CPPED1: variants seen among roughly 807,000 people sequenced by gnomAD.
The protein encoded by CPPED1 is serine/threonine-protein phosphatase CPPED1.
CPPED1 carries 28 observed loss-of-function variants against 28.0 expected under a neutral mutation model. The ratio of observed to expected loss-of-function variants is 1.00; its 90% CI spans 0.74 to 1.37. CPPED1 has a LOEUF of 1.37. CPPED1 is among the 40% of genes most tolerant of loss of function. The pLI, the probability that CPPED1 is intolerant of heterozygous loss-of-function variation, is 0.00. For synonymous variants in CPPED1, 198 were observed against 180.2 expected (o/e 1.10, Z -0.79); for missense variants, 504 against 416.5 (o/e 1.21, Z -1.83).
At chr16:12,775,374 T>C (rs2080491926) in intron 2 of CPPED1, among the ~76,000 whole-genome samples, 1 of 152,208 alleles carries the variant, frequency 6.6e-6, no homozygotes, top group South Asian at 2.1e-4. Flanking sequence ...ATTTTCACCA[T>C]GTCATCTATG....
At chr16:12,739,115 A>G (rs1235166409) in intron 2 of CPPED1, among the ~76,000 whole-genome samples, 2 of 152,206 alleles carry the variant, frequency 1.3e-5, no homozygotes, top group Non-Finnish European at 2.9e-5. Flanking sequence ...GATTGTTTCT[A>G]ATCCCAAAAT....
intron 1 of CPPED1, among the ~76,000 whole-genome samples, chr16:12,796,487 T>G (rs1485312224): frequency 6.6e-6 from 1 of 151,962 alleles, no homozygotes; most frequent in Non-Finnish European, 1.5e-5. Context: ...AGAGTGAGAC[T>G]CTGTCTCAAA....
rs1016375066 is a variant in CPPED1 at position 12,660,570 on chromosome 16, T to C, written c.*4316A>G. 6.6e-6 allele frequency: 1 copy of C among 151,896 alleles called. No homozygotes were observed. The highest frequency in any genetic ancestry group is 2.1e-4 in the South Asian group (1 of 4,808). 9.4% of individuals were successfully genotyped at this position (151,896 alleles called of 1,614,324 possible). On this transcript the variant is annotated 3_prime_UTR_variant, in exon 4 of 4. Transcript: ENST00000381774. ...AAATACATAAGAGCTCCTCCATGGC[T>C]TGAGAATATTTTATGAAGTTATAAA...
rs749353407 is a variant in CPPED1, at chr16:12,665,124, A to T, written c.716-9T>A. The T allele has an allele frequency of 7.6e-6, 12 of 1,587,704 alleles. No individual in the cohort carries two copies. The highest frequency in any genetic ancestry group is 1.0e-5 in the Non-Finnish European group (12 of 1,172,442). ...GAACACGACTTTGACACCTGCAGAG[A>T]AGGGAAAAAGTCATTAGGGGGCCGA... On this transcript the variant is annotated splice_polypyrimidine_tract_variant and intron_variant, in intron 3 of 3. Coordinates refer to ENST00000381774, the MANE Select transcript of CPPED1 (RefSeq NM_018340.3).
chr16:12,682,621 C>CT lies in CPPED1; in HGVS notation c.716-17507_716-17506insA, dbSNP rs2079911503. Among the ~76,000 whole-genome samples the CT allele has an allele frequency of 6.6e-6, 1 of 152,094 alleles. No individual in the cohort carries two copies. Among genetic ancestry groups the CT allele is most frequent in the African/African-American group, 2.4e-5 (1 of 41,388 alleles). On this transcript the variant is annotated intron_variant, in intron 3 of 3. Coordinates refer to ENST00000381774, the MANE Select transcript of CPPED1 (RefSeq NM_018340.3). This position sits in a 1 kb window ranked among gnomAD's most constrained non-coding sequence, Gnocchi z 6.1. ...AAGGCAAGACTAGTATCAACCATCC[C>CT]CAGGGCCACTGGGAAGATAAGTGAG...
At chr16:12,770,700 T>C (rs2080464881) in intron 2 of CPPED1, among the ~76,000 whole-genome samples, 1 of 152,024 alleles carries the variant, frequency 6.6e-6, no homozygotes, top group African/African-American at 2.4e-5. Context: ...CACACACCTG[T>C]AGTCCCAGCT....
At chr16:12,684,057 G>A (rs1380491696) in intron 3 of CPPED1, among the ~76,000 whole-genome samples, 1 of 152,188 alleles carries the variant, frequency 6.6e-6, no homozygotes, top group Non-Finnish European at 1.5e-5. Context: ...AGCCCCACTT[G>A]CTAAACCCCT....
chr16:12,704,625 T>G lies in CPPED1; in HGVS notation c.714A>C (p.Ala238=). The change falls in exon 3 of 4, where the codon GCA becomes GCC. Residue 238 remains alanine, a splice_region_variant and synonymous_variant. Transcript: ENST00000381774. ...AAACCCGTGGCCCGGGGCCTCTACC[T>G]GCGTGGATGAACTTGTCTGCCAACT... ...RKKLADKFIH[A]GVKVVFSGHY... is the part of the protein sequence containing the mutation. 6.2e-7 allele frequency: 1 copy of G among 1,606,742 alleles called. No homozygotes were observed.
intron 2 of CPPED1, among the ~76,000 whole-genome samples, chr16:12,727,954 G>C (rs1034595176): frequency 6.6e-6 from 1 of 152,212 alleles, no homozygotes; most frequent in Non-Finnish European, 1.5e-5. Context: ...TTGTCATAGA[G>C]ATCACGTTAT....
chr16:12,739,655 T>C (rs1251296896), intron 2 of CPPED1, among the ~76,000 whole-genome samples: 1 of 152,122 alleles, frequency 6.6e-6, no homozygotes, highest in Non-Finnish European at 1.5e-5. Context: ...TAGGCTAACC[T>C]CTCTCTCATT....
At chr16:12,789,923 G>T (rs186706717) in intron 1 of CPPED1, among the ~76,000 whole-genome samples, 1 of 152,264 alleles carries the variant, frequency 6.6e-6, no homozygotes, top group East Asian at 1.9e-4. Flanking sequence ...CTGTTGTATA[G>T]AGAATAACAA....
chr16:12,732,461 CACACAA>C (rs1294033598), intron 2 of CPPED1, among the ~76,000 whole-genome samples: 1 of 126,108 alleles, frequency 7.9e-6, no homozygotes, highest in African/African-American at 2.9e-5. Context: ...AACACACACA[CACACAA>C]ACACACAAAC....
intron 2 of CPPED1, among the ~76,000 whole-genome samples, chr16:12,746,973 AGG>A (rs1179305217): frequency 6.6e-6 from 1 of 152,052 alleles, no homozygotes; most frequent in Non-Finnish European, 1.5e-5. Context: ...AAGAGGAAAA[AGG>A]GGAACAGACA....
At chr16:12,801,785 G>T (rs540328091) in intron 1 of CPPED1, among the ~76,000 whole-genome samples, 1 of 152,246 alleles carries the variant, frequency 6.6e-6, no homozygotes, top group African/African-American at 2.4e-5. Flanking sequence ...GTTTAAAAAG[G>T]GATTACTTGG....
At position 12,671,449 on chromosome 16, in the gene CPPED1, G is replaced by C. The variant is rs1356457163; in HGVS notation, c.716-6334C>G. Among the ~76,000 whole-genome samples, 3 of 152,094 alleles carry C rather than the reference G, an allele frequency of 2.0e-5. No individual in the cohort carries two copies. The East Asian group carries it at 5.8e-4, about 29-fold the overall frequency. ...AGAGCAAGGGGAGAGAAAAAAAAAG[G>C]GCATGAAGGGAATATGCTGATAGCC... On this transcript the variant is annotated intron_variant, in intron 3 of 3. Coordinates refer to ENST00000381774, the MANE Select transcript of CPPED1 (RefSeq NM_018340.3).
intron 2 of CPPED1, among the ~76,000 whole-genome samples, chr16:12,745,400 G>T (rs974285173): frequency 6.6e-6 from 1 of 152,102 alleles, no homozygotes; most frequent in African/African-American, 2.4e-5. Flanking sequence ...GTTCACAATA[G>T]AAAAGACATG....
intron 2 of CPPED1, among the ~76,000 whole-genome samples, chr16:12,712,331 G>A (rs546790637): frequency 6.6e-6 from 1 of 152,296 alleles, no homozygotes; most frequent in Admixed American, 6.5e-5. Flanking sequence ...TAAGATCATA[G>A]CTCAGTAATT....
Position 12,781,366 on chromosome 16 carries a change from G to A in CPPED1, c.108C>T (p.Ile36=). Reference sequence around the variant, plus strand: ...GCCCAAACTGTGGGTCTGCGCCCAGGATGAAGTAGAATGGGCCTTTCCATT... The same window carrying A: ...GCCCAAACTGTGGGTCTGCGCCCAGAATGAAGTAGAATGGGCCTTTCCATT... The part of the protein sequence containing the change: ...ESEWKGPFYF[I]LGADPQFGLI... Residue 36 remains isoleucine (I), a synonymous_variant, in exon 2 of 4, where the codon ATC becomes ATT. Transcript: ENST00000381774. 1.2e-6 allele frequency: 2 copies of A among 1,614,160 alleles called. No homozygotes were observed. The highest frequency in any genetic ancestry group is 1.3e-5 in the African/African-American group (1 of 75,034).
At chr16:12,733,344 G>A (rs2080209403) in intron 2 of CPPED1, among the ~76,000 whole-genome samples, 6 of 147,874 alleles carry the variant, frequency 4.1e-5, no homozygotes, top group Admixed American at 2.8e-4. Flanking sequence ...GCACAATCTC[G>A]GCTCACTGCA....
Sources: allele counts gnomAD v4.1 joint callset (sites outside exome capture counted in the v4.1 genomes callset), GRCh38; gene constraint gnomAD v4.1.1; non-coding constraint Gnocchi (gnomAD v3.1); transcripts MANE v1.5; gene names NCBI Gene and HGNC (gene_info 2026-07-23, HGNC 2026-07-21).